Variants in RBM47 observed in about 807,000 individuals in gnomAD.
The protein encoded by RBM47 is RNA-binding protein 47.
In RBM47, 21 loss-of-function variants were observed where a neutral mutation model predicts 47.1. That is an observed-to-expected ratio of 0.45 (90% confidence interval 0.32 to 0.64). RBM47 has a LOEUF of 0.64. RBM47 is among the 30% of genes least tolerant of loss of function. RBM47 has a pLI of 0.05. For synonymous variants in RBM47, 375 were observed against 361.7 expected (o/e 1.04, Z -0.42); for missense variants, 708 against 870.9 (o/e 0.81, Z 2.35).
intron 2 of RBM47, among the ~76,000 whole-genome samples, chr4:40,540,651 A>AAT (rs993895276): frequency 1.4e-4 from 16 of 117,154 alleles, no homozygotes; most frequent in African/African-American, 2.3e-4. Context: ...AAAAAAAAAA[A>AAT]AATAATAATA....
intron 1 of RBM47, among the ~76,000 whole-genome samples, chr4:40,587,736 T>C (rs1043990149): frequency 8.5e-5 from 13 of 152,180 alleles, no homozygotes; most frequent in Non-Finnish European, 1.2e-4. Context: ...AAGGTAAGAA[T>C]TACCTGAGTT....
At chr4:40,588,306 C>T (rs1335930429) in intron 1 of RBM47, among the ~76,000 whole-genome samples, 2 of 152,158 alleles carry the variant, frequency 1.3e-5, no homozygotes, top group Non-Finnish European at 2.9e-5. Flanking sequence ...TGCAACGCTC[C>T]TCAACCAAGG....
At chr4:40,495,256 A>T (rs528688424) in intron 2 of RBM47, among the ~76,000 whole-genome samples, 1 of 152,198 alleles carries the variant, frequency 6.6e-6, no homozygotes, top group South Asian at 2.1e-4. Context: ...CATTCTTCCC[A>T]TCTATTTTTC....
chr4:40,509,737 TTCTCCAGGC>T (rs1560432252), intron 2 of RBM47, among the ~76,000 whole-genome samples: 1 of 138,072 alleles, frequency 7.2e-6, no homozygotes. Context: ...AAAAAAAAAA[TTCTCCAGGC>T]GTGGTGGCGG....
intron 6 of RBM47, among the ~76,000 whole-genome samples, chr4:40,430,251 A>G (rs1031192062): frequency 1.6e-4 from 4 of 25,176 alleles, no homozygotes; most frequent in African/African-American, 8.7e-4. Context: ...AAAACAAACA[A>G]AAAAAAAACC....
rs755004171 is a variant in RBM47, at chr4:40,600,450, T to C, written c.-240+28946A>G. The stretch of plus-strand genomic sequence containing the variant: ...GAGATTGAGACCATGCTGGCTAACG[T>C]GGTGAAACCCCGTCTCTACTAAAAA... On this transcript the variant is annotated intron_variant, in intron 1 of 6. Coordinates refer to ENST00000295971, the MANE Select transcript of RBM47 (RefSeq NM_001098634.2). Among the ~76,000 whole-genome samples the C allele has an allele frequency of 9.3e-4, 137 of 147,804 alleles. No individual in the cohort carries two copies. In the South Asian group the frequency reaches 0.011, roughly 11 times the overall value.
intron 1 of RBM47, among the ~76,000 whole-genome samples, chr4:40,559,106 T>C (rs1409116737): frequency 6.6e-6 from 1 of 152,226 alleles, no homozygotes; most frequent in Non-Finnish European, 1.5e-5. Flanking sequence ...TATTTATCCC[T>C]ATTACAAGGT....
rs1299107576 is a variant in RBM47 at position 40,497,317 on chromosome 4, CTATT to C, written c.-154-30622_-154-30619del. On this transcript the variant is annotated intron_variant, in intron 2 of 6. Coordinates refer to ENST00000295971, the MANE Select transcript of RBM47 (RefSeq NM_001098634.2). Reference sequence around the variant, plus strand: ...TCCTGCCATGTGTACAAATATATGACTATTTAAAAACAAGCAAAGGGCCGGGCAT... The same window carrying C: ...TCCTGCCATGTGTACAAATATATGACTAAAAACAAGCAAAGGGCCGGGCAT... Among the ~76,000 whole-genome samples, 3 of 152,220 alleles carry C rather than the reference CTATT, an allele frequency of 2.0e-5. No individual in the cohort carries two copies. In the East Asian group the frequency reaches 5.8e-4, roughly 29 times the overall value.
At chr4:40,609,547 A>G (rs1214878119) in intron 1 of RBM47, among the ~76,000 whole-genome samples, 2 of 144,174 alleles carry the variant, frequency 1.4e-5, no homozygotes, top group Non-Finnish European at 3.0e-5. Flanking sequence ...TCCTGACCTC[A>G]AGTGATCTGC....
At chr4:40,604,055 C>T (rs774299741) in intron 1 of RBM47, among the ~76,000 whole-genome samples, 23 of 152,184 alleles carry the variant, frequency 1.5e-4, no homozygotes, top group African/African-American at 4.8e-4. Flanking sequence ...GGGAATGCTG[C>T]GATCCATAAC....
rs752916231 is a variant in RBM47, at chr4:40,438,523, G to A, written c.371C>T (p.Ala124Val). The change falls in exon 4 of 7, where the codon GCC becomes GTC. Residue 124 changes from alanine to valine, a missense_variant. Transcript: ENST00000295971. ...GTTGAGCTCACGCACTGCGCGCTTGGCCTCGTGCTTGTGGCAGTACATGAC... is the reference window on the plus strand; with the variant it reads ...GTTGAGCTCACGCACTGCGCGCTTGACCTCGTGCTTGTGGCAGTACATGAC... ...AFVMYCHKHE[A>V]KRAVRELNNY... 1 of 1,613,840 alleles carries A rather than the reference G, an allele frequency of 6.2e-7. No individual in the cohort carries two copies. Among genetic ancestry groups the A allele is most frequent in the Non-Finnish European group, 8.5e-7 (1 of 1,179,948 alleles).
chr4:40,527,976 A>G (rs1726912749), intron 2 of RBM47, among the ~76,000 whole-genome samples: 1 of 152,236 alleles, frequency 6.6e-6, no homozygotes, highest in Admixed American at 6.5e-5. Context: ...TTCAAAATTC[A>G]TACACTTTAC....
intron 1 of RBM47, among the ~76,000 whole-genome samples, chr4:40,602,096 A>G (rs1054958096): frequency 6.6e-6 from 1 of 152,086 alleles, no homozygotes; most frequent in Non-Finnish European, 1.5e-5. Flanking sequence ...TGAGCCCGGG[A>G]GGTGGAGGTT....
intron 1 of RBM47, among the ~76,000 whole-genome samples, chr4:40,597,761 G>C (rs570716816): frequency 3.5e-4 from 54 of 152,204 alleles, no homozygotes; most frequent in African/African-American, 1.3e-3. Context: ...TTAGTAAAAG[G>C]CATTAAATAA....
At chr4:40,593,252 C>T (rs1164573014) in intron 1 of RBM47, among the ~76,000 whole-genome samples, 2 of 150,946 alleles carry the variant, frequency 1.3e-5, no homozygotes, top group African/African-American at 4.9e-5. Context: ...CCCACCTTGG[C>T]CTCCCAAAGT....
intron 1 of RBM47, among the ~76,000 whole-genome samples, chr4:40,588,028 C>T (rs1384095420): frequency 6.6e-6 from 1 of 151,948 alleles, no homozygotes; most frequent in Non-Finnish European, 1.5e-5. Flanking sequence ...TCTTTTTTGC[C>T]TGGCCAGTTC....
At chr4:40,434,759 A>G (rs551746607) in intron 5 of RBM47, among the ~76,000 whole-genome samples, 24 of 151,390 alleles carry the variant, frequency 1.6e-4, no homozygotes, top group African/African-American at 5.8e-4. Context: ...AGAAAGTTCA[A>G]TTGGGGAAAT....
chr4:40,616,761 C>T (rs538133088), intron 1 of RBM47, among the ~76,000 whole-genome samples: 1 of 151,774 alleles, frequency 6.6e-6, no homozygotes, highest in Admixed American at 6.6e-5. Context: ...AATACATTTA[C>T]GTGTTCTAAT....
At chr4:40,490,855 A>G (rs922139829) in intron 2 of RBM47, among the ~76,000 whole-genome samples, 1 of 152,150 alleles carries the variant, frequency 6.6e-6, no homozygotes, top group African/African-American at 2.4e-5. Context: ...TGATCTACAG[A>G]GTCAACACAA....
Sources: gnomAD v4.1 joint callset for allele counts (sites outside exome capture counted in the v4.1 genomes callset) on GRCh38, gnomAD v4.1.1 for gene constraint, MANE v1.5 for transcripts, NCBI Gene and HGNC (gene_info 2026-07-23, HGNC 2026-07-21) for gene names.